ALMS1: variants seen among roughly 807,000 people sequenced by gnomAD.
The protein encoded by ALMS1 is centrosome-associated protein ALMS1.
A neutral mutation model predicts 352.2 loss-of-function variants in ALMS1; 271 were observed. The ratio of observed to expected loss-of-function variants is 0.77; its 90% CI spans 0.70 to 0.85. The LOEUF (loss-of-function observed/expected upper bound fraction) is 0.85. Among genes scored for constraint, ALMS1 ranks in the 40% least tolerant of loss-of-function variants. The pLI is 0.00. For synonymous variants in ALMS1, 1,865 were observed against 1,761.2 expected, an observed-to-expected ratio of 1.06 and a Z score of -1.48; for missense variants, 5,445 against 4,870.7, an observed-to-expected ratio of 1.12 and a Z score of -3.51.
At position 73,385,836 on chromosome 2, in the gene ALMS1, C is replaced by G; in HGVS notation, c.-33C>G. ...CCTTCCCCTCCCTCCCCCCCTCCTC[C>G]TCCTCCTCTGCCGCCCAGAGCGAGA... On this transcript the variant is annotated 5_prime_UTR_variant, in exon 1 of 23. Coordinates refer to ENST00000613296, the MANE Select transcript of ALMS1 (RefSeq NM_001378454.1). 1 of 701,116 alleles carries G rather than the reference C, an allele frequency of 1.4e-6. No individual in the cohort carries two copies. Among genetic ancestry groups the G allele is most frequent in the South Asian group, 1.5e-5 (1 of 64,676 alleles). 43.4% of individuals were successfully genotyped at this position (701,116 alleles called of 1,614,324 possible). A position where few individuals can be genotyped will look rare whatever the true frequency, so the allele number is the denominator to read the frequency against.
intron 9 of ALMS1, among the ~76,000 whole-genome samples, chr2:73,476,999 A>G (rs139416352): frequency 0.012 from 1,861 of 152,238 alleles, 22 homozygotes; most frequent in Non-Finnish European, 0.018. Context: ...CTAAGTACCT[A>G]TTGATGATGT....
Position 73,448,829 on chromosome 2 carries a change from G to A in ALMS1, c.2302G>A (p.Glu768Lys). 1 of 1,613,992 alleles carries A rather than the reference G, an allele frequency of 6.2e-7. No homozygotes were observed. The highest frequency in any genetic ancestry group is 8.5e-7 in the Non-Finnish European group (1 of 1,179,962). The change falls in exon 8 of 23, where the codon GAA (glutamate) becomes AAA (lysine). Residue 768 changes from glutamate (E) to lysine (K), a missense_variant. Transcript: ENST00000613296. The stretch of plus-strand genomic sequence containing the variant: ...ACAGTCTAGTTCTTACTCACAAAGA[G>A]AAAAGCCTAGTATTTTGTACCCACA... ...AVQSSSYSQR[E>K]KPSILYPQDL...
chr2:73,486,567 C>T (rs1672852588), intron 9 of ALMS1, among the ~76,000 whole-genome samples: 1 of 152,160 alleles, frequency 6.6e-6, no homozygotes, highest in African/African-American at 2.4e-5. Flanking sequence ...GGGTAGCTGA[C>T]TTCTTCAGCT....
intron 8 of ALMS1, chr2:73,454,361 A>T: frequency 2.0e-6 from 2 of 985,362 alleles, no homozygotes; most frequent in Non-Finnish European, 2.4e-6. Flanking sequence ...ATTCTGATGT[A>T]TGACAGAGAG....
At chr2:73,499,871 C>G (rs948331799) in intron 10 of ALMS1, among the ~76,000 whole-genome samples, 2 of 152,122 alleles carry the variant, frequency 1.3e-5, no homozygotes, top group Admixed American at 1.3e-4. Flanking sequence ...TCCCCTCCTC[C>G]CCACCTTCCA....
At chr2:73,584,033 T>C (rs1450471236) in intron 16 of ALMS1, among the ~76,000 whole-genome samples, 1 of 152,222 alleles carries the variant, frequency 6.6e-6, no homozygotes, top group Non-Finnish European at 1.5e-5. Context: ...GTAATGCATG[T>C]TTCTTCGAGT....
At chr2:73,492,927 G>A (rs949482449) in intron 10 of ALMS1, among the ~76,000 whole-genome samples, 3 of 150,452 alleles carry the variant, frequency 2.0e-5, no homozygotes, top group African/African-American at 7.4e-5. Flanking sequence ...TAGTAGAGAC[G>A]AGGTTTTGCC....
At chr2:73,470,105 C>T (rs532022602) in intron 9 of ALMS1, 1 of 151,912 alleles carries the variant, frequency 6.6e-6, no homozygotes, top group East Asian at 1.9e-4. Flanking sequence ...TTTTCTTAGT[C>T]TAGCTAAATG....
chr2:73,434,899 C>T (rs1310040621), intron 7 of ALMS1, among the ~76,000 whole-genome samples: 2 of 152,112 alleles, frequency 1.3e-5, no homozygotes, highest in Non-Finnish European at 1.5e-5. Context: ...TGGGTTCCAG[C>T]GACTCTCGTG....
Position 73,490,636 on chromosome 2 carries a change from G to T in ALMS1, c.8677G>T (p.Ala2893Ser). Residue 2893 changes from alanine to serine, a missense_variant, in exon 10 of 23, where the codon GCC (alanine) becomes TCC (serine). Physicochemically the swap from Ala to Ser is moderately conservative, Grantham distance 99. Transcript: ENST00000613296. Reference protein sequence around the residue: ...EQRELFEQSKAPRADDHVRKH... With the variant: ...EQRELFEQSKSPRADDHVRKH... ...ACGAGAGCTCTTTGAACAAAGCAAA[G>T]CCCCACGTGCAGATGACCATGTGAG... 1 of 1,614,108 alleles carries T rather than the reference G, an allele frequency of 6.2e-7. No homozygotes were observed. The highest frequency in any genetic ancestry group is 8.5e-7 in the Non-Finnish European group (1 of 1,180,012).
intron 17 of ALMS1, among the ~76,000 whole-genome samples, chr2:73,599,759 G>C (rs1252754304): frequency 6.6e-6 from 1 of 152,144 alleles, no homozygotes; most frequent in Non-Finnish European, 1.5e-5. Flanking sequence ...CACTGTGAAA[G>C]GCAATTTGAA....
chr2:73,528,385 C>G (rs1673838349), intron 11 of ALMS1, among the ~76,000 whole-genome samples: 1 of 152,130 alleles, frequency 6.6e-6, no homozygotes, highest in African/African-American at 2.4e-5. Context: ...AGAATACTTG[C>G]TTTATATATC....
intron 11 of ALMS1, among the ~76,000 whole-genome samples, chr2:73,529,487 T>A (rs527590548): frequency 6.6e-6 from 1 of 152,336 alleles, no homozygotes; most frequent in East Asian, 1.9e-4. Flanking sequence ...TGTTGGTGTC[T>A]GAGCATTGAA....
rs1572905075 is a variant in ALMS1 at position 73,409,283 on chromosome 2, T to G, written c.450+536T>G. 2.0e-5 allele frequency among the ~76,000 whole-genome samples: 3 copies of G among 152,214 alleles called. No individual in the cohort carries two copies. In the East Asian group the frequency reaches 5.8e-4, roughly 29 times the overall value. On this transcript the variant is annotated intron_variant, in intron 2 of 22. Coordinates refer to ENST00000613296, the MANE Select transcript of ALMS1 (RefSeq NM_001378454.1). ...AGGACTCTTATTTTTATTTTTAGTT[T>G]AAAAATTTTTTATAGAGATGGGAGT...
At chr2:73,517,592 G>A (rs1673586665) in intron 10 of ALMS1, among the ~76,000 whole-genome samples, 1 of 151,900 alleles carries the variant, frequency 6.6e-6, no homozygotes, top group African/African-American at 2.4e-5. Context: ...AACACGTATA[G>A]TAGAGTTCCT....
At chr2:73,385,811 C>T (rs1035787897), upstream of ALMS1, 15 of 678,598 alleles carry the variant, frequency 2.2e-5, no homozygotes, top group Middle Eastern at 3.8e-4. Flanking sequence ...AGGGCTCTCC[C>T]CTTCCCCTCC....
At chr2:73,424,346 G>GA in intron 4 of ALMS1, 84 bp from the exon 5 acceptor site, 1 of 852,230 alleles carries the variant, frequency 1.2e-6, no homozygotes, top group South Asian at 2.6e-5. Flanking sequence ...TGATTTCAGT[G>GA]ACATATGTAT....
At chr2:73,470,995 G>A (rs545234950) in intron 9 of ALMS1, 2 of 151,906 alleles carry the variant, frequency 1.3e-5, no homozygotes, top group Admixed American at 1.3e-4. Flanking sequence ...TAAATCTAAA[G>A]TGAGTCTCTT....
At position 73,432,251 on chromosome 2, in the gene ALMS1, TCCTGACACTGTGCC is replaced by T. The variant is rs758407495; in HGVS notation, c.1393_1406del (p.Pro465LysfsTer4). Reference sequence around the variant, plus strand: ...CAGATCTCAGAATGTTGAGGATGTCTCCTGACACTGTGCCAAAGGCTCCTAAACATTTAAAAGCA... The same window carrying T: ...CAGATCTCAGAATGTTGAGGATGTCTAAAGGCTCCTAAACATTTAAAAGCA... On this transcript the variant is annotated frameshift_variant, in exon 7 of 23. Transcript: ENST00000613296. LOFTEE classifies it high-confidence loss of function. 6.2e-7 allele frequency: 1 copy of T among 1,613,536 alleles called. No homozygotes were observed. Among genetic ancestry groups the T allele is most frequent in the Non-Finnish European group, 8.5e-7 (1 of 1,179,664 alleles).
Sources: gnomAD v4.1 joint callset for allele counts (sites outside exome capture counted in the v4.1 genomes callset) on GRCh38, gnomAD v4.1.1 for gene constraint, MANE v1.5 for transcripts, NCBI Gene and HGNC (gene_info 2026-07-23, HGNC 2026-07-21) for gene names.